The following WASF3 variants were observed in gnomAD, a reference collection of about 807,000 sequenced individuals.
WASF3 encodes the protein actin-binding protein WASF3.
A neutral mutation model predicts 46.6 loss-of-function variants in WASF3; 11 were observed. The ratio of observed to expected loss-of-function variants is 0.24; its 90% CI spans 0.15 to 0.39. The LOEUF (loss-of-function observed/expected upper bound fraction) is 0.39, where lower values mean the gene tolerates loss of function less well. WASF3 is among the 10% of genes least tolerant of loss of function. The pLI is 1.00. For synonymous variants in WASF3, 242 were observed against 259.7 expected, an observed-to-expected ratio of 0.93 and a Z score of 0.65; for missense variants, 576 against 669.8, an observed-to-expected ratio of 0.86 and a Z score of 1.55.
At chr13:26,560,431 TAACCATA>T (rs1258922187) in intron 1 of WASF3, among the ~76,000 whole-genome samples, 6 of 152,144 alleles carry the variant, frequency 3.9e-5, no homozygotes, top group African/African-American at 1.4e-4. Flanking sequence ...TCTTCAGAGG[TAACCATA>T]ATATAGGGTG....
At chr13:26,617,832 C>A (rs751027011) in intron 2 of WASF3, among the ~76,000 whole-genome samples, 8 of 152,188 alleles carry the variant, frequency 5.3e-5, no homozygotes, top group Non-Finnish European at 7.4e-5. Context: ...ATCATGGGGG[C>A]AGTCTCCCCC....
intron 3 of WASF3, among the ~76,000 whole-genome samples, chr13:26,645,833 A>AG (rs898306182): frequency 1.6e-4 from 24 of 152,168 alleles, no homozygotes; most frequent in Admixed American, 1.4e-3. Context: ...AAATTTATTG[A>AG]GGGGTCATCC....
chr13:26,687,752 G>A lies in WASF3; in HGVS notation c.*1907G>A, dbSNP rs1265379430. 7.1e-6 allele frequency: 1 copy of A among 140,690 alleles called. No individual in the cohort carries two copies. The highest frequency in any genetic ancestry group is 2.6e-5 in the African/African-American group (1 of 38,202). 8.7% of individuals were successfully genotyped at this position (140,690 alleles called of 1,614,324 possible). Reference sequence around the variant, plus strand: ...TTTTTTTTTTTGTTGTTGTTAAAAAGGGCCTACTACATTGGCGCTATTCTT... The same window carrying A: ...TTTTTTTTTTTGTTGTTGTTAAAAAAGGCCTACTACATTGGCGCTATTCTT... On this transcript the variant is annotated 3_prime_UTR_variant, in exon 10 of 10. Coordinates refer to ENST00000335327, the MANE Select transcript of WASF3 (RefSeq NM_006646.6).
chr13:26,607,122 G>A (rs115673525), intron 1 of WASF3, among the ~76,000 whole-genome samples: 2,756 of 152,258 alleles, frequency 0.018, 52 homozygotes, highest in African/African-American at 0.049. Flanking sequence ...GCAGTTTTAG[G>A]CATCTGCTGA....
chr13:26,641,572 G>A (rs1331047315), intron 2 of WASF3, among the ~76,000 whole-genome samples: 1 of 152,164 alleles, frequency 6.6e-6, no homozygotes, highest in South Asian at 2.1e-4. Flanking sequence ...GGTTTATGTA[G>A]CAGGAAGAAA....
At chr13:26,558,747 A>G (rs1002021650) in intron 1 of WASF3, among the ~76,000 whole-genome samples, 5 of 152,224 alleles carry the variant, frequency 3.3e-5, no homozygotes, top group Non-Finnish European at 7.3e-5. Context: ...GTTTACTTCC[A>G]GCAACAGTCT....
intron 3 of WASF3, among the ~76,000 whole-genome samples, chr13:26,645,335 C>G (rs995520111): frequency 1.3e-5 from 2 of 152,154 alleles, no homozygotes; most frequent in South Asian, 2.1e-4. Flanking sequence ...CTGCTGGCAC[C>G]TTGACTTTGG....
At chr13:26,644,541 G>A (rs144374365) in intron 3 of WASF3, among the ~76,000 whole-genome samples, 2 of 152,248 alleles carry the variant, frequency 1.3e-5, no homozygotes, top group East Asian at 3.9e-4. Flanking sequence ...CAGGATGCTA[G>A]GAATCACCCG....
upstream of WASF3, among the ~76,000 whole-genome samples, chr13:26,555,533 A>T (rs543426172): frequency 2.0e-5 from 3 of 152,152 alleles, no homozygotes; most frequent in East Asian, 1.9e-4. Context: ...TGCTGGGTAA[A>T]GCTTCCCAGG....
chr13:26,586,923 G>A (rs575381920), intron 1 of WASF3, among the ~76,000 whole-genome samples: 9 of 151,384 alleles, frequency 5.9e-5, no homozygotes, highest in South Asian at 4.2e-4. Flanking sequence ...TCAACATGGC[G>A]AAACCCTGTC....
At chr13:26,546,098 G>C in the WASF3 span, among the ~76,000 whole-genome samples, 1 of 152,040 alleles carries the variant, frequency 6.6e-6, no homozygotes, top group Non-Finnish European at 1.5e-5. Flanking sequence ...CATAATCTTA[G>C]GGGTCATACA....
At chr13:26,567,145 A>G (rs1879490541) in intron 1 of WASF3, among the ~76,000 whole-genome samples, 1 of 152,218 alleles carries the variant, frequency 6.6e-6, no homozygotes, top group Non-Finnish European at 1.5e-5. Context: ...TGGAGGATCA[A>G]ACTGACATGG....
At chr13:26,657,324 C>T (rs1882495710) in intron 3 of WASF3, among the ~76,000 whole-genome samples, 1 of 152,228 alleles carries the variant, frequency 6.6e-6, no homozygotes, top group African/African-American at 2.4e-5. Flanking sequence ...CTTTTATCAT[C>T]TGTAACCAGA....
At chr13:26,651,180 G>GGTACAGTGGTGCATGCCT (rs1882305625) in intron 3 of WASF3, among the ~76,000 whole-genome samples, 1 of 152,048 alleles carries the variant, frequency 6.6e-6, no homozygotes, top group Non-Finnish European at 1.5e-5. Context: ...AAATTAGGCT[G>GGTACAGTGGTGCATGCCT]GTACAGTGGT....
intron 2 of WASF3, among the ~76,000 whole-genome samples, chr13:26,635,893 A>G (rs923306435): frequency 7.2e-5 from 11 of 152,176 alleles, no homozygotes; most frequent in Non-Finnish European, 1.5e-4. Context: ...TTTATCCCAG[A>G]GGGGCATCCG....
chr13:26,627,932 A>G (rs867406637), intron 2 of WASF3, among the ~76,000 whole-genome samples: 1 of 151,790 alleles, frequency 6.6e-6, no homozygotes, highest in Non-Finnish European at 1.5e-5. Flanking sequence ...TAAAATATAT[A>G]TGTATTTTAA....
chr13:26,684,304 G>T (rs1039037823), intron 9 of WASF3, among the ~76,000 whole-genome samples: 5 of 151,334 alleles, frequency 3.3e-5, no homozygotes, highest in Admixed American at 6.6e-5. Context: ...TATAAGCCCT[G>T]TCTACCAAGA....
chr13:26,628,142 C>T (rs966303808), intron 2 of WASF3, among the ~76,000 whole-genome samples: 1 of 152,032 alleles, frequency 6.6e-6, no homozygotes, highest in East Asian at 1.9e-4. Flanking sequence ...TGTCAAATCC[C>T]GTAAAAGTTG....
At chr13:26,650,858 A>G (rs142160448) in intron 3 of WASF3, among the ~76,000 whole-genome samples, 1 of 152,346 alleles carries the variant, frequency 6.6e-6, no homozygotes, top group African/African-American at 2.4e-5. Context: ...TTAGAAAGCA[A>G]CAACAAAATT....
Sources: allele counts gnomAD v4.1 joint callset (sites outside exome capture counted in the v4.1 genomes callset), GRCh38; gene constraint gnomAD v4.1.1; transcripts MANE v1.5; gene names NCBI Gene and HGNC (gene_info 2026-07-23, HGNC 2026-07-21).